Variants in SGCZ observed in about 807,000 individuals in gnomAD.
The protein encoded by SGCZ is zeta-sarcoglycan.
In SGCZ, 40 loss-of-function variants were observed where a neutral mutation model predicts 41.3. That is an observed-to-expected ratio of 0.97 (90% CI 0.75 to 1.26). The LOEUF is 1.26. Among genes scored for constraint, SGCZ ranks in the 50% most tolerant of loss-of-function variants. The pLI is 0.00. For synonymous variants in SGCZ, 206 were observed against 137.5 expected (o/e 1.50, Z -3.49); for missense variants, 552 against 369.8 (o/e 1.49, Z -4.04).
intron 5 of SGCZ, among the ~76,000 whole-genome samples, chr8:14,162,413 C>T (rs913151504): frequency 1.3e-5 from 2 of 152,072 alleles, no homozygotes; most frequent in Admixed American, 6.6e-5. Flanking sequence ...ATTAATGTTG[C>T]CCAGTTCCCC....
chr8:14,900,810 A>C (rs1798946304), intron 1 of SGCZ, among the ~76,000 whole-genome samples: 1 of 152,202 alleles, frequency 6.6e-6, no homozygotes, highest in Admixed American at 6.5e-5. Flanking sequence ...AACATAGCCA[A>C]AATTCAGAAT....
chr8:15,148,175 G>C (rs903639893), intron 1 of SGCZ, among the ~76,000 whole-genome samples: 1 of 151,906 alleles, frequency 6.6e-6, no homozygotes, highest in African/African-American at 2.4e-5. Context: ...AAACATATCT[G>C]ACATAAAATA....
At chr8:14,457,214 AACCAGGCCATACAGAGAT>A (rs1365398750) in intron 2 of SGCZ, among the ~76,000 whole-genome samples, 1 of 152,224 alleles carries the variant, frequency 6.6e-6, no homozygotes, top group African/African-American at 2.4e-5. Flanking sequence ...GCCTAGGAAA[AACCAGGCCATACAGAGAT>A]AGGAGCTGAG....
intron 1 of SGCZ, among the ~76,000 whole-genome samples, chr8:15,020,381 C>T (rs183890424): frequency 8.4e-4 from 128 of 152,246 alleles, no homozygotes; most frequent in African/African-American, 3.0e-3. Context: ...CAGGCTCGTG[C>T]AGCTGAATCT....
chr8:15,194,285 C>T (rs566060028), intron 1 of SGCZ, among the ~76,000 whole-genome samples: 22 of 151,578 alleles, frequency 1.5e-4, no homozygotes, highest in African/African-American at 5.1e-4. Context: ...AATAGTAAAA[C>T]ATTCTGTAAA....
chr8:14,326,156 G>C (rs1220206417), intron 2 of SGCZ, among the ~76,000 whole-genome samples: 3 of 136,140 alleles, frequency 2.2e-5, no homozygotes, highest in African/African-American at 8.1e-5. Flanking sequence ...AGAAATACTT[G>C]AATCTGTCAC....
intron 2 of SGCZ, among the ~76,000 whole-genome samples, chr8:14,350,604 C>A (rs539620869): frequency 6.6e-6 from 1 of 152,074 alleles, no homozygotes; most frequent in East Asian, 1.9e-4. Flanking sequence ...CTGGCCCTGT[C>A]GCCTCTAGAA....
chr8:14,971,949 T>C (rs1051318196), intron 1 of SGCZ, among the ~76,000 whole-genome samples: 1 of 152,180 alleles, frequency 6.6e-6, no homozygotes, highest in African/African-American at 2.4e-5. Flanking sequence ...AAAACTTTTG[T>C]TTTGAATTTA....
intron 1 of SGCZ, among the ~76,000 whole-genome samples, chr8:14,589,452 G>T (rs1421522590): frequency 6.6e-6 from 1 of 151,644 alleles, no homozygotes; most frequent in Non-Finnish European, 1.5e-5. Flanking sequence ...AATGTCTGAA[G>T]AAAAAAACAT....
At chr8:15,024,407 C>T (rs1160671178) in intron 1 of SGCZ, among the ~76,000 whole-genome samples, 1 of 152,084 alleles carries the variant, frequency 6.6e-6, no homozygotes, top group African/African-American at 2.4e-5. Context: ...GAGAGTTGTG[C>T]CTGGCATTTA....
intron 1 of SGCZ, among the ~76,000 whole-genome samples, chr8:14,917,689 A>C (rs1799478050): frequency 6.6e-6 from 1 of 152,084 alleles, no homozygotes; most frequent in South Asian, 2.1e-4. Context: ...TTTTCAGGCC[A>C]CTCATAATGG....
At chr8:14,224,441 G>A (rs1425251505) in intron 4 of SGCZ, among the ~76,000 whole-genome samples, 1 of 152,154 alleles carries the variant, frequency 6.6e-6, no homozygotes, top group Admixed American at 6.5e-5. Context: ...GGATGCAGCA[G>A]TGAGTTGGAA....
chr8:14,587,833 G>A (rs957330889), intron 1 of SGCZ, among the ~76,000 whole-genome samples: 5 of 152,042 alleles, frequency 3.3e-5, no homozygotes, highest in Admixed American at 1.3e-4. Flanking sequence ...AAATATTTCA[G>A]CAAATAGTTT....
At chr8:14,891,347 G>A (rs1805011421) in intron 1 of SGCZ, among the ~76,000 whole-genome samples, 1 of 152,218 alleles carries the variant, frequency 6.6e-6, no homozygotes, top group Non-Finnish European at 1.5e-5. Flanking sequence ...GAAAGAAGTT[G>A]ATTCCAGCAG....
At chr8:15,121,633 T>G (rs979900543) in intron 1 of SGCZ, among the ~76,000 whole-genome samples, 1 of 152,128 alleles carries the variant, frequency 6.6e-6, no homozygotes, top group Non-Finnish European at 1.5e-5. Flanking sequence ...AAGAAATGCA[T>G]AAAGAGTTAG....
intron 5 of SGCZ, among the ~76,000 whole-genome samples, chr8:14,152,679 T>C (rs1259126443): frequency 3.9e-5 from 6 of 152,162 alleles, no homozygotes; most frequent in African/African-American, 1.2e-4. Flanking sequence ...CCCCTAGATA[T>C]TTATCTCAGA....
At chr8:15,066,898 C>T (rs1259930231) in intron 1 of SGCZ, among the ~76,000 whole-genome samples, 1 of 152,122 alleles carries the variant, frequency 6.6e-6, no homozygotes, top group East Asian at 1.9e-4. Context: ...CCTGAACTGA[C>T]AAGCAAATAC....
chr8:14,529,557 C>G (rs1189466074), intron 2 of SGCZ, among the ~76,000 whole-genome samples: 1 of 152,088 alleles, frequency 6.6e-6, no homozygotes, highest in Non-Finnish European at 1.5e-5. Context: ...ATTGTACTTT[C>G]CATGATCACA....
chr8:14,335,407 A>T (rs893792061), intron 2 of SGCZ, among the ~76,000 whole-genome samples: 1 of 152,128 alleles, frequency 6.6e-6, no homozygotes, highest in African/African-American at 2.4e-5. Context: ...TTCCTAAAAC[A>T]TGAAGTCTTG....
Sources: allele counts gnomAD v4.1 joint callset (sites outside exome capture counted in the v4.1 genomes callset), GRCh38; gene constraint gnomAD v4.1.1; transcripts MANE v1.5; gene names NCBI Gene and HGNC (gene_info 2026-07-23, HGNC 2026-07-21).